The following SOX6 variants were observed in gnomAD, a reference collection of about 807,000 sequenced individuals.
SOX6 encodes transcription factor SOX-6.
In SOX6, 11 loss-of-function variants were observed where a neutral mutation model predicts 97.8. The ratio of observed to expected loss-of-function variants is 0.11; its 90% CI spans 0.07 to 0.19. The LOEUF (loss-of-function observed/expected upper bound fraction) is 0.19, where lower values mean the gene tolerates loss of function less well. Among genes scored for constraint, SOX6 ranks in the 10% least tolerant of loss-of-function variants. The pLI, the probability that SOX6 is intolerant of heterozygous loss-of-function variation, is 1.00. For missense variants in SOX6, 810 were observed against 1,039.5 expected, an observed-to-expected ratio of 0.78 and a Z score of 3.04; for synonymous variants, 360 against 371.4, an observed-to-expected ratio of 0.97 and a Z score of 0.35.
At chr11:16,275,403 C>T (rs891808697) in intron 3 of SOX6, among the ~76,000 whole-genome samples, 1 of 151,938 alleles carries the variant, frequency 6.6e-6, no homozygotes, top group Non-Finnish European at 1.5e-5. Context: ...TTGCAGTGAG[C>T]CGAGATCGTG....
chr11:16,538,405 A>G (rs1355181061), intron 4 of SOX6, among the ~76,000 whole-genome samples: 1 of 152,248 alleles, frequency 6.6e-6, no homozygotes, highest in Admixed American at 6.5e-5. Context: ...TGCTATGAAG[A>G]AACTGCATTA....
intron 12 of SOX6, among the ~76,000 whole-genome samples, chr11:16,024,371 G>T (rs1855158284): frequency 6.6e-6 from 1 of 151,890 alleles, no homozygotes; most frequent in Admixed American, 6.6e-5. Flanking sequence ...CATGAAAGGT[G>T]CTAGTTGCTT....
chr11:16,600,462 T>C (rs1287374209), intron 4 of SOX6, among the ~76,000 whole-genome samples: 1 of 152,216 alleles, frequency 6.6e-6, no homozygotes. Context: ...TCTGAGGTTT[T>C]AGGGTTTCAT....
At position 16,669,091 on chromosome 11, in the gene SOX6, T is replaced by C. The variant is rs138626270; in HGVS notation, n.429+45739A>G. Among the ~76,000 whole-genome samples, 1,223 of 152,338 alleles carry C rather than the reference T, an allele frequency of 8.0e-3. 20 individuals carry two copies. The highest frequency in any genetic ancestry group is 0.027 in the African/African-American group (1,111 of 41,574). ...TCATCTAATGGTTGCAGAAAAATCA[T>C]TCTCCTCAGCACATGGATCATTCTC... On this transcript the variant is annotated intron_variant and non_coding_transcript_variant, in intron 3 of 5. Transcript: ENST00000524520.
rs536369029 is a variant in SOX6, at chr11:16,391,911, C to T, written c.-4-50659G>A. ...TTTAAAAGACACCAGGTTTTGCCAT[C>T]CTCAATATTTAAATACCTAAAATTT... is the stretch of plus-strand genomic sequence containing the variant. On this transcript the variant is annotated intron_variant, in intron 1 of 15. Transcript: ENST00000396356. Among the ~76,000 whole-genome samples the T allele has an allele frequency of 3.3e-5, 5 of 151,584 alleles. No homozygotes were observed. In the East Asian group the frequency reaches 7.8e-4, roughly 24 times the overall value.
chr11:16,041,661 T>C (rs1245586485), intron 12 of SOX6, among the ~76,000 whole-genome samples: 4 of 152,182 alleles, frequency 2.6e-5, no homozygotes. Flanking sequence ...AAAATTCTGC[T>C]TTTGTGGAAA....
rs1216009386 is a variant in SOX6 at position 16,341,075 on chromosome 11, T to G, written c.174A>C (p.Thr58=). 1 of 1,613,404 alleles carries G rather than the reference T, an allele frequency of 6.2e-7. No individual in the cohort carries two copies. Among genetic ancestry groups the G allele is most frequent in the Non-Finnish European group, 8.5e-7 (1 of 1,179,564 alleles). The change falls in exon 2 of 16, where the codon ACA becomes ACC. Residue 58 remains threonine (T), a synonymous_variant. Coordinates refer to ENST00000683767, the MANE Select transcript of SOX6 (RefSeq NM_001367873.1). The stretch of plus-strand genomic sequence containing the variant: ...CATCTTGTTGAATGGTACTGACAAG[T>G]GTTGGTAGCTCCTCAGAGTGAGGTT... The part of the protein sequence containing the change: ...HNKPHSEELP[T]LVSTIQQDAD...
At chr11:16,093,518 A>C (rs1848734728) in intron 9 of SOX6, among the ~76,000 whole-genome samples, 1 of 151,972 alleles carries the variant, frequency 6.6e-6, no homozygotes, top group African/African-American at 2.4e-5. Context: ...CAGGCTCATT[A>C]ATATTAGAAA....
At position 16,633,357 on chromosome 11, in the gene SOX6, C is replaced by T. The variant is rs181595600; in HGVS notation, n.430-21097G>A. Among the ~76,000 whole-genome samples, 388 of 152,350 alleles carry T rather than the reference C, an allele frequency of 2.5e-3. 1 individual carries two copies. The highest frequency in any genetic ancestry group is 6.8e-3 in the Middle Eastern group (2 of 294). On this transcript the variant is annotated intron_variant and non_coding_transcript_variant, in intron 3 of 5. Transcript: ENST00000524520. ...TAAATTTCTGGATGTATGTTCCTCT[C>T]TTTATATATTCTCTGAAACAGTTTA...
intron 3 of SOX6, among the ~76,000 whole-genome samples, chr11:16,663,252 A>G (rs1847779788): frequency 6.6e-6 from 1 of 152,232 alleles, no homozygotes; most frequent in African/African-American, 2.4e-5. Context: ...TGGCAAGAAT[A>G]GAAAATAAAA....
At chr11:16,483,508 C>T (rs1004417997) in intron 4 of SOX6, among the ~76,000 whole-genome samples, 5 of 152,150 alleles carry the variant, frequency 3.3e-5, no homozygotes, top group African/African-American at 1.2e-4. Context: ...TCAGGTTGTA[C>T]TTTCCCCAGC....
intron 6 of SOX6, among the ~76,000 whole-genome samples, chr11:16,167,062 C>T (rs1327690251): frequency 6.6e-6 from 1 of 152,228 alleles, no homozygotes; most frequent in East Asian, 1.9e-4. Context: ...CATGTATGTC[C>T]TACTGCTTAC....
At chr11:16,661,504 C>G (rs1199019451) in intron 3 of SOX6, among the ~76,000 whole-genome samples, 1 of 151,952 alleles carries the variant, frequency 6.6e-6, no homozygotes, top group East Asian at 1.9e-4. Flanking sequence ...CCTGTTTTTT[C>G]TTTTAAAAAA....
At chr11:16,399,167 T>G (rs1009707515) in intron 1 of SOX6, among the ~76,000 whole-genome samples, 1 of 151,238 alleles carries the variant, frequency 6.6e-6, no homozygotes, top group African/African-American at 2.4e-5. Flanking sequence ...CAGGTCTGTG[T>G]GTCTCATAGG....
chr11:16,714,451 C>CTTTTTTTTTT (rs761435639), intron 3 of SOX6, among the ~76,000 whole-genome samples: 1 of 116,388 alleles, frequency 8.6e-6, no homozygotes, highest in African/African-American at 3.2e-5. Flanking sequence ...AATTTTCTTT[C>CTTTTTTTTTT]TTTTTTTTTT....
chr11:16,039,252 C>T (rs1855595036), intron 12 of SOX6, among the ~76,000 whole-genome samples: 1 of 152,048 alleles, frequency 6.6e-6, no homozygotes, highest in Admixed American at 6.6e-5. Flanking sequence ...CTTTTTACAT[C>T]AAGGCAACGT....
At chr11:16,589,249 T>C (rs1848125474) in intron 4 of SOX6, among the ~76,000 whole-genome samples, 1 of 152,182 alleles carries the variant, frequency 6.6e-6, no homozygotes, top group African/African-American at 2.4e-5. Context: ...CCAAAGTGCG[T>C]ACATACATCC....
chr11:16,640,234 C>A (rs1190136575), intron 3 of SOX6, among the ~76,000 whole-genome samples: 2 of 152,102 alleles, frequency 1.3e-5, no homozygotes, highest in Non-Finnish European at 2.9e-5. Flanking sequence ...GTATTTTGAA[C>A]CAGCCTTGCA....
At chr11:16,718,094 TG>T (rs1848231760) in intron 2 of SOX6, among the ~76,000 whole-genome samples, 2 of 151,994 alleles carry the variant, frequency 1.3e-5, no homozygotes, top group Non-Finnish European at 2.9e-5. Context: ...CTTTAGTCCT[TG>T]AAAGGGCTTT....
Sources: allele counts gnomAD v4.1 joint callset (sites outside exome capture counted in the v4.1 genomes callset), GRCh38; gene constraint gnomAD v4.1.1; transcripts MANE v1.5; gene names NCBI Gene and HGNC (gene_info 2026-07-23, HGNC 2026-07-21).